NKAIN1: variants seen among roughly 807,000 people sequenced by gnomAD.
NKAIN1 encodes sodium/potassium transporting ATPase interacting 1.
A neutral mutation model predicts 31.6 loss-of-function variants in NKAIN1; 13 were observed. That is an observed-to-expected ratio of 0.41 (90% CI 0.27 to 0.65). The LOEUF is 0.65. Among genes scored for constraint, NKAIN1 ranks in the 30% least tolerant of loss-of-function variants. The pLI is 0.30. For synonymous variants in NKAIN1, 104 were observed against 109.0 expected, an observed-to-expected ratio of 0.95 and a Z score of 0.28; for missense variants, 193 against 262.2, an observed-to-expected ratio of 0.74 and a Z score of 1.82.
intron 1 of NKAIN1, among the ~76,000 whole-genome samples, chr1:31,232,410 TATATATATATATATAGAG>T (rs1469292256): frequency 3.0e-5 from 1 of 33,218 alleles, no homozygotes; most frequent in Non-Finnish European, 6.3e-5. Flanking sequence ...TATATATATA[TATATATATATATATAGAG>T]AGAGAGAGAG....
intron 1 of NKAIN1, among the ~76,000 whole-genome samples, chr1:31,191,853 T>C (rs1467940119): frequency 2.6e-5 from 4 of 152,234 alleles, no homozygotes; most frequent in African/African-American, 9.6e-5. Flanking sequence ...CACAGCTCAC[T>C]GTAACCTCAA....
chr1:31,203,663 C>A (rs1645402027), intron 1 of NKAIN1, among the ~76,000 whole-genome samples: 2 of 150,202 alleles, frequency 1.3e-5, no homozygotes, highest in Non-Finnish European at 3.0e-5. Context: ...TGGCTCACTG[C>A]AACCTCTGCT....
intron 1 of NKAIN1, among the ~76,000 whole-genome samples, chr1:31,234,825 C>G (rs1239020921): frequency 1.3e-5 from 2 of 152,150 alleles, no homozygotes; most frequent in Non-Finnish European, 2.9e-5. Context: ...AGTAGAGTAG[C>G]ACGGGGCTGA....
At chr1:31,238,266 G>T (rs539173747) in intron 1 of NKAIN1, among the ~76,000 whole-genome samples, 1 of 152,306 alleles carries the variant, frequency 6.6e-6, no homozygotes, top group African/African-American at 2.4e-5. Flanking sequence ...GCATGTCCAG[G>T]CTCAAAACTT....
intron 1 of NKAIN1, among the ~76,000 whole-genome samples, chr1:31,223,767 C>T (rs1256397423): frequency 6.6e-6 from 1 of 152,204 alleles, no homozygotes; most frequent in Non-Finnish European, 1.5e-5. Flanking sequence ...GTTATTATTA[C>T]CATTAATCAC....
chr1:31,183,436 CT>C lies in NKAIN1; in HGVS notation c.471+380del, dbSNP rs3046278. On this transcript the variant is annotated intron_variant, in intron 4 of 6. Coordinates refer to ENST00000373736, the MANE Select transcript of NKAIN1 (RefSeq NM_024522.3). ...GGCGGAAGACCTAGGTTCATTCCCT[CT>C]TTTTTTTTTTTTTTTTTTTTTTTTT... 9.0e-3 allele frequency among the ~76,000 whole-genome samples: 957 copies of C among 106,264 alleles called. 2 individuals carry two copies. The highest frequency in any genetic ancestry group is 0.048 in the African/African-American group (850 of 17,546). The allele number at this position is 106,264 out of a possible 152,430, so 69.7% of individuals were successfully genotyped here. A position where few individuals can be genotyped will look rare whatever the true frequency, so the allele number is the denominator to read the frequency against.
intron 1 of NKAIN1, among the ~76,000 whole-genome samples, chr1:31,209,241 G>C (rs769242723): frequency 2.6e-5 from 4 of 152,198 alleles, no homozygotes; most frequent in Non-Finnish European, 5.9e-5. Context: ...TGGGCTTGGT[G>C]GTGGGCACCT....
At chr1:31,220,389 G>A (rs1051724550) in intron 1 of NKAIN1, among the ~76,000 whole-genome samples, 2 of 151,980 alleles carry the variant, frequency 1.3e-5, no homozygotes, top group Non-Finnish European at 2.9e-5. Flanking sequence ...ATCACTGATA[G>A]CATCTGAGTC....
intron 1 of NKAIN1, among the ~76,000 whole-genome samples, chr1:31,220,610 C>G (rs912736258): frequency 6.6e-6 from 1 of 151,984 alleles, no homozygotes; most frequent in African/African-American, 2.4e-5. Flanking sequence ...TAAAAATTAG[C>G]CAGGTGTGGT....
At chr1:31,188,429 G>A in intron 1 of NKAIN1, 1 of 479,726 alleles carries the variant, frequency 2.1e-6, no homozygotes, top group East Asian at 3.5e-5. Flanking sequence ...TGCCAAGGAG[G>A]CCCTTCCCTC....
At position 31,185,297 on chromosome 1, in the gene NKAIN1, A is replaced by G; in HGVS notation, c.223T>C (p.Trp75Arg). The G allele has an allele frequency of 6.2e-7, 1 of 1,610,852 alleles. No individual in the cohort carries two copies. The highest frequency in any genetic ancestry group is 8.5e-7 in the Non-Finnish European group (1 of 1,178,464). ...TAGAAGCAGATGATAAATGCATTCCAGCCAACCCAGAGCACCAGCCAGGCT... is the reference window on the plus strand; with the variant it reads ...TAGAAGCAGATGATAAATGCATTCCGGCCAACCCAGAGCACCAGCCAGGCT... Reference protein sequence around the residue: ...YAAWLVLWVGWNAFIICFYLE... With the variant: ...YAAWLVLWVGRNAFIICFYLE... Residue 75 changes from tryptophan (W) to arginine (R), a missense_variant, in exon 3 of 7, where the codon TGG (tryptophan) becomes CGG (arginine). Trp to Arg is a moderately radical substitution (Grantham distance 101, BLOSUM62 -3). Coordinates refer to ENST00000373736, the MANE Select transcript of NKAIN1 (RefSeq NM_024522.3).
chr1:31,198,010 G>A (rs990455802), intron 1 of NKAIN1, among the ~76,000 whole-genome samples: 2 of 152,078 alleles, frequency 1.3e-5, no homozygotes, highest in Admixed American at 1.3e-4. Flanking sequence ...GTGCCACCAC[G>A]CTGGCCTGTG....
chr1:31,225,931 T>C (rs1645600736), intron 1 of NKAIN1, among the ~76,000 whole-genome samples: 1 of 152,244 alleles, frequency 6.6e-6, no homozygotes, highest in Non-Finnish European at 1.5e-5. Flanking sequence ...GCAAGGGCTC[T>C]GGACTCAGGT....
At chr1:31,231,926 T>A (rs1329182067) in intron 1 of NKAIN1, among the ~76,000 whole-genome samples, 4 of 151,056 alleles carry the variant, frequency 2.6e-5, no homozygotes, top group Non-Finnish European at 4.4e-5. Flanking sequence ...TTTTTTTTTT[T>A]AATTTTTTTT....
At chr1:31,211,806 G>A (rs1039767203) in intron 1 of NKAIN1, among the ~76,000 whole-genome samples, 4 of 152,062 alleles carry the variant, frequency 2.6e-5, no homozygotes, top group Non-Finnish European at 4.4e-5. Context: ...GCCAGGCGTG[G>A]TGACGCATGC....
At chr1:31,198,909 T>A (rs1570458707) in intron 1 of NKAIN1, among the ~76,000 whole-genome samples, 4 of 152,250 alleles carry the variant, frequency 2.6e-5, no homozygotes. Flanking sequence ...ATAATGCAGA[T>A]GGGCCCACCC....
At chr1:31,214,423 A>C (rs1259496186) in intron 1 of NKAIN1, among the ~76,000 whole-genome samples, 3 of 151,942 alleles carry the variant, frequency 2.0e-5, no homozygotes, top group Non-Finnish European at 4.4e-5. Flanking sequence ...AAAATGGAAC[A>C]ATTTTATGGT....
rs148026736 is a variant in NKAIN1, at chr1:31,233,968, C to T, written c.54+5526G>A. On this transcript the variant is annotated intron_variant, in intron 1 of 6. Transcript: ENST00000373736. The surrounding 1 kb of genome is among the most constrained non-coding windows in gnomAD (Gnocchi z 4.0). Reference sequence around the variant, plus strand: ...TCCTAGCCCCTGTGCCAGATCTCAGCGAAGCTGCCATTTATGGGCTGCTTA... The same window carrying T: ...TCCTAGCCCCTGTGCCAGATCTCAGTGAAGCTGCCATTTATGGGCTGCTTA... 1.3e-5 allele frequency among the ~76,000 whole-genome samples: 2 copies of T among 152,224 alleles called. No homozygotes were observed. Among genetic ancestry groups the T allele is most frequent in the Non-Finnish European group, 2.9e-5 (2 of 68,044 alleles).
intron 1 of NKAIN1, among the ~76,000 whole-genome samples, chr1:31,198,889 C>T (rs1433489446): frequency 6.6e-6 from 1 of 152,166 alleles, no homozygotes; most frequent in Non-Finnish European, 1.5e-5. Flanking sequence ...GAGTGAGGGA[C>T]AAGGGCTGAA....
Sources: gnomAD v4.1 joint callset for allele counts (sites outside exome capture counted in the v4.1 genomes callset) on GRCh38, gnomAD v4.1.1 for gene constraint, Gnocchi (gnomAD v3.1) non-coding constraint, MANE v1.5 for transcripts, NCBI Gene and HGNC (gene_info 2026-07-23, HGNC 2026-07-21) for gene names.